CACNA1A: variants seen among roughly 807,000 people sequenced by gnomAD.
The protein encoded by CACNA1A is calcium voltage-gated channel subunit alpha1 A.
Under a neutral mutation model 262.4 loss-of-function variants are expected in CACNA1A, and 57 were observed. The observed-to-expected ratio is 0.22, with a 90% confidence interval of 0.18 to 0.27. The LOEUF is 0.27. Ranked by LOEUF, CACNA1A falls within the 10% of genes least tolerant of loss-of-function variation. The pLI is 1.00. For synonymous variants in CACNA1A, 1,431 were observed against 1,419.3 expected (o/e 1.01, Z -0.18); for missense variants, 2,526 against 3,562.8 (o/e 0.71, Z 7.41).
At chr19:13,395,667 GTTATAAGGATCCCA>G (rs2059798026) in intron 3 of CACNA1A, among the ~76,000 whole-genome samples, 1 of 152,120 alleles carries the variant, frequency 6.6e-6, no homozygotes. Context: ...TTGACCGTAG[GTTATAAGGATCCCA>G]TTCCAGAGAG....
intron 3 of CACNA1A, among the ~76,000 whole-genome samples, chr19:13,402,873 C>CATATATATATATATATAT (rs71170507): frequency 1.4e-5 from 1 of 72,824 alleles, no homozygotes; most frequent in Non-Finnish European, 2.8e-5. Flanking sequence ...CACACACACA[C>CATATATATATATATATAT]ATATATATAT....
At chr19:13,497,530 AT>A (rs57182152) in intron 1 of CACNA1A, among the ~76,000 whole-genome samples, 1 of 1,426 alleles carries the variant, frequency 7.0e-4, no homozygotes, top group Non-Finnish European at 1.2e-3. Flanking sequence ...AAATATATAT[AT>A]ATATATATAT....
At chr19:13,491,663 G>C (rs915851501) in intron 1 of CACNA1A, among the ~76,000 whole-genome samples, 2 of 152,126 alleles carry the variant, frequency 1.3e-5, no homozygotes, top group African/African-American at 4.8e-5. Context: ...CTGCCATTTC[G>C]CTTTGAAATA....
At chr19:13,216,741 C>G (rs548157434) in intron 38 of CACNA1A, among the ~76,000 whole-genome samples, 1 of 152,184 alleles carries the variant, frequency 6.6e-6, no homozygotes, top group South Asian at 2.1e-4. Flanking sequence ...GTTGCCCAGG[C>G]TGTGGCACAA....
chr19:13,267,671 C>T (rs1003610070), intron 24 of CACNA1A, among the ~76,000 whole-genome samples: 9 of 152,056 alleles, frequency 5.9e-5, no homozygotes, highest in Non-Finnish European at 1.2e-4. Context: ...GACTGGGTGC[C>T]GTGGCTCACA....
chr19:13,495,921 C>T (rs1344516442), intron 1 of CACNA1A, among the ~76,000 whole-genome samples: 4 of 152,226 alleles, frequency 2.6e-5, no homozygotes, highest in Non-Finnish European at 4.4e-5. Flanking sequence ...ATCCATTTGT[C>T]CACCCACCCA....
intron 1 of CACNA1A, among the ~76,000 whole-genome samples, chr19:13,470,637 C>T (rs766650716): frequency 6.6e-5 from 10 of 152,178 alleles, no homozygotes; most frequent in Non-Finnish European, 7.3e-5. Flanking sequence ...CCACTCATTG[C>T]CCTGTTTGGC....
intron 38 of CACNA1A, among the ~76,000 whole-genome samples, chr19:13,221,786 C>T (rs1317009495): frequency 6.6e-6 from 1 of 152,150 alleles, no homozygotes; most frequent in African/African-American, 2.4e-5. Flanking sequence ...TAGAAGCTGC[C>T]TCCAGGAGCC....
At chr19:13,438,834 CAG>C (rs907930670) in intron 3 of CACNA1A, among the ~76,000 whole-genome samples, 2 of 152,120 alleles carry the variant, frequency 1.3e-5, no homozygotes, top group African/African-American at 4.8e-5. Flanking sequence ...TACACTAAGA[CAG>C]AGTTTTAAAA....
intron 1 of CACNA1A, among the ~76,000 whole-genome samples, chr19:13,457,853 C>CAA (rs775895393): frequency 0.036 from 2,095 of 58,602 alleles, 52 homozygotes; most frequent in African/African-American, 0.12. Context: ...AACTCCGTTT[C>CAA]AAAAAAAAAA....
rs896015257 is a variant in CACNA1A at position 13,386,865 on chromosome 19, G to T, written c.540-15086C>A. ...GTAAATGTTAAAAAAAGTCCTTACAGTGACGATGTTAGAGTGGAAAGATGG... is the reference window on the plus strand; with the variant it reads ...GTAAATGTTAAAAAAAGTCCTTACATTGACGATGTTAGAGTGGAAAGATGG... On this transcript the variant is annotated intron_variant, in intron 3 of 46. Transcript: ENST00000360228. 2.6e-5 allele frequency among the ~76,000 whole-genome samples: 4 copies of T among 152,126 alleles called. No homozygotes were observed. The East Asian group carries it at 7.7e-4, about 29-fold the overall frequency.
At chr19:13,301,794 A>G (rs2057794771) in intron 17 of CACNA1A, among the ~76,000 whole-genome samples, 1 of 152,210 alleles carries the variant, frequency 6.6e-6, no homozygotes, top group Non-Finnish European at 1.5e-5. Flanking sequence ...ACGGGGAGCA[A>G]CCTTACCACC....
At chr19:13,402,842 A>G (rs1362072346) in intron 3 of CACNA1A, among the ~76,000 whole-genome samples, 1 of 128,250 alleles carries the variant, frequency 7.8e-6, no homozygotes, top group Non-Finnish European at 1.6e-5. Flanking sequence ...ATACATATAT[A>G]TACACATATA....
intron 3 of CACNA1A, among the ~76,000 whole-genome samples, chr19:13,433,460 C>CAAAAAAAAAAAGAA (rs2060554763): frequency 1.3e-5 from 1 of 76,230 alleles, no homozygotes; most frequent in African/African-American, 5.7e-5. Flanking sequence ...GACGCTGTCT[C>CAAAAAAAAAAAGAA]AAAAAAAAAA....
At chr19:13,334,923 ACT>A (rs1453924554) in intron 7 of CACNA1A, among the ~76,000 whole-genome samples, 1 of 151,848 alleles carries the variant, frequency 6.6e-6, no homozygotes, top group African/African-American at 2.4e-5. Flanking sequence ...TGCCTTAGCT[ACT>A]CAGGAGGCTG....
chr19:13,407,628 C>A (rs2060034387), intron 3 of CACNA1A, among the ~76,000 whole-genome samples: 1 of 152,182 alleles, frequency 6.6e-6, no homozygotes, highest in Non-Finnish European at 1.5e-5. Context: ...GTTTATCCGA[C>A]AGTTCTTGTT....
rs1472672640 is a variant in CACNA1A, at chr19:13,235,821, C to A, written c.4951-91G>T. 1.4e-5 allele frequency: 12 copies of A among 847,416 alleles called. No homozygotes were observed. In the Admixed American group the frequency reaches 2.4e-4, roughly 17 times the overall value. 52.5% of individuals were successfully genotyped at this position (847,416 alleles called of 1,614,324 possible). A position where few individuals can be genotyped will look rare whatever the true frequency, so the allele number is the denominator to read the frequency against. ...CACAGAGGCCCCTACATGAAGCCAA[C>A]CAACAGGAAAAAAGCAAGCCAGACC... On this transcript the variant is annotated intron_variant, in intron 31 of 46. Transcript: ENST00000360228.
intron 31 of CACNA1A, chr19:13,244,926 C>T: frequency 1.9e-6 from 1 of 531,566 alleles, no homozygotes; most frequent in Non-Finnish European, 3.4e-6. Context: ...AATTCCTAGG[C>T]CAGGATGCAG....
intron 1 of CACNA1A, among the ~76,000 whole-genome samples, chr19:13,471,921 A>C (rs756835307): frequency 1.3e-5 from 2 of 152,172 alleles, no homozygotes; most frequent in Non-Finnish European, 2.9e-5. Context: ...TGAATTGCTC[A>C]TTTTAAAATG....
Sources: gnomAD v4.1 joint callset for allele counts (sites outside exome capture counted in the v4.1 genomes callset) on GRCh38, gnomAD v4.1.1 for gene constraint, MANE v1.5 for transcripts, NCBI Gene and HGNC (gene_info 2026-07-23, HGNC 2026-07-21) for gene names.